OPA3: variants seen among roughly 807,000 people sequenced by gnomAD.
OPA3 encodes outer mitochondrial membrane lipid metabolism regulator OPA3, also known as optic atrophy 3 protein.
In OPA3, 6 loss-of-function variants were observed where a neutral mutation model predicts 4.0. The observed-to-expected ratio is 1.51, with a 90% CI of 0.83 to 2.99. The LOEUF (loss-of-function observed/expected upper bound fraction) is 2.99. Ranked by LOEUF, OPA3 falls within the 30% of genes most tolerant of loss-of-function variation. The probability of loss-of-function intolerance (pLI) is 0.00; values close to 1 mark genes in which losing one functional copy is unlikely to be tolerated. For missense variants in OPA3, 235 were observed against 256.2 expected (o/e 0.92, Z 0.56); for synonymous variants, 105 against 117.1 (o/e 0.90, Z 0.67).
chr19:45,535,369 CTTTT>C (rs57680613), intron 1 of OPA3, among the ~76,000 whole-genome samples: 87 of 118,834 alleles, frequency 7.3e-4, no homozygotes, highest in South Asian at 4.2e-3. Flanking sequence ...TAAATTATTA[CTTTT>C]TTTTTTTTTT....
downstream of OPA3, among the ~76,000 whole-genome samples, chr19:45,544,465 G>A (rs1440400508): frequency 6.6e-6 from 1 of 152,078 alleles, no homozygotes; most frequent in Non-Finnish European, 1.5e-5. Flanking sequence ...TTCGAGACCA[G>A]CCTGGCCAAC....
intron 1 of OPA3, among the ~76,000 whole-genome samples, chr19:45,580,544 C>T (rs1353351022): frequency 2.0e-5 from 3 of 151,476 alleles, no homozygotes; most frequent in East Asian, 2.0e-4. Context: ...CTGCCTGCCT[C>T]GGCCTCCCAA....
At chr19:45,542,017 C>T (rs776968805), downstream of OPA3, among the ~76,000 whole-genome samples, 1 of 152,180 alleles carries the variant, frequency 6.6e-6, no homozygotes, top group Non-Finnish European at 1.5e-5. Flanking sequence ...TTCATGCTCG[C>T]TGCAACCCAA....
At chr19:45,571,860 T>C (rs181385900) in intron 1 of OPA3, among the ~76,000 whole-genome samples, 39 of 152,280 alleles carry the variant, frequency 2.6e-4, no homozygotes, top group Admixed American at 5.2e-4. Flanking sequence ...AGCCCTTCTA[T>C]TGAGAGCTGA....
At chr19:45,529,341 C>T in exon 2 of OPA3, 14 of 1,614,206 alleles carry the variant, frequency 8.7e-6, no homozygotes, top group Non-Finnish European at 1.1e-5. Flanking sequence ...AGATGATGCC[C>T]TCGCCCAGCA....
At chr19:45,544,466 C>A (rs1969221597), downstream of OPA3, among the ~76,000 whole-genome samples, 1 of 152,160 alleles carries the variant, frequency 6.6e-6, no homozygotes, top group Admixed American at 6.5e-5. Context: ...TCGAGACCAG[C>A]CTGGCCAACA....
intron 1 of OPA3, among the ~76,000 whole-genome samples, chr19:45,582,607 T>C (rs2122524363): frequency 6.6e-6 from 1 of 152,262 alleles, no homozygotes; most frequent in African/African-American, 2.4e-5. Flanking sequence ...CCAGGAGTGC[T>C]GATTGGTCAG....
chr19:45,550,956 G>A lies in OPA3; in HGVS notation c.*2558C>T. The stretch of plus-strand genomic sequence containing the variant: ...GCCAAATGGCCCGCGGGGTTGGCAG[G>A]AGTCCCAGGGTACTTTTTTTCTGAG... On this transcript the variant is annotated 3_prime_UTR_variant, in exon 2 of 2. Transcript: ENST00000263275. The A allele has an allele frequency of 1.0e-6, 1 of 985,568 alleles. No individual in the cohort carries two copies. The highest frequency in any genetic ancestry group is 1.2e-6 in the Non-Finnish European group (1 of 830,028). The allele number at this position is 985,568 out of a possible 1,614,324, so 61.1% of individuals were successfully genotyped here.
At chr19:45,579,733 T>G (rs1417186522) in intron 1 of OPA3, among the ~76,000 whole-genome samples, 1 of 152,016 alleles carries the variant, frequency 6.6e-6, no homozygotes, top group Non-Finnish European at 1.5e-5. Context: ...ATACATAGTA[T>G]ATACACAAAA....
chr19:45,544,398 G>C (rs1428401994), downstream of OPA3, among the ~76,000 whole-genome samples: 3 of 152,200 alleles, frequency 2.0e-5, no homozygotes, highest in Admixed American at 1.3e-4. Context: ...GGTGGCTCAC[G>C]CCTGTAATCC....
In OPA3 at chr19:45,548,217, G is replaced by A. The variant is rs1014002317; in HGVS notation, c.*5297C>T. The A allele has an allele frequency of 5.3e-5, 52 of 985,820 alleles. No homozygotes were observed. The Middle Eastern group carries it at 1.5e-3, about 29-fold the overall frequency. The allele number at this position is 985,820 out of a possible 1,614,324, so 61.1% of individuals were successfully genotyped here. On this transcript the variant is annotated 3_prime_UTR_variant, in exon 2 of 2. Transcript: ENST00000263275. The stretch of plus-strand genomic sequence containing the variant: ...CAAGCCTGCCACTCAGCAACACAGC[G>A]ACCAGCCCAGGAGTAGCTCCGTGAG...
intron 1 of OPA3, among the ~76,000 whole-genome samples, chr19:45,568,293 C>A (rs1451060589): frequency 1.3e-5 from 2 of 152,028 alleles, no homozygotes; most frequent in African/African-American, 4.8e-5. Flanking sequence ...GGTTTCAAGC[C>A]ACCCTCCTGC....
At chr19:45,583,813 T>G (rs1969891088) in intron 1 of OPA3, among the ~76,000 whole-genome samples, 1 of 152,186 alleles carries the variant, frequency 6.6e-6, no homozygotes, top group Admixed American at 6.5e-5. Context: ...TACTATGCCC[T>G]TTAGATCTGA....
downstream of OPA3, among the ~76,000 whole-genome samples, chr19:45,542,610 C>T (rs1282590086): frequency 6.7e-6 from 1 of 150,194 alleles, no homozygotes; most frequent in Non-Finnish European, 1.5e-5. Flanking sequence ...GTTGTATATG[C>T]GGTTTGTTGT....
In OPA3 at chr19:45,551,725, G is replaced by A; in HGVS notation, c.*1789C>T. ...GTTAAGGCCAACTGCTGGCCTAATT[G>A]GTAGGATGGGGGTGGGACCGGGGGC... is the stretch of plus-strand genomic sequence containing the variant. On this transcript the variant is annotated 3_prime_UTR_variant, in exon 2 of 2. Transcript: ENST00000263275. 5 of 985,502 alleles carry A rather than the reference G, an allele frequency of 5.1e-6. No homozygotes were observed. Among genetic ancestry groups the A allele is most frequent in the Non-Finnish European group, 6.0e-6 (5 of 829,994 alleles). 61.0% of individuals were successfully genotyped at this position (985,502 alleles called of 1,614,324 possible). A position where few individuals can be genotyped will look rare whatever the true frequency, so the allele number is the denominator to read the frequency against.
intron 1 of OPA3, among the ~76,000 whole-genome samples, chr19:45,564,146 C>A (rs898257433): frequency 8.6e-6 from 1 of 115,816 alleles, no homozygotes; most frequent in Non-Finnish European, 1.6e-5. Context: ...GCCACAAGAA[C>A]AAAGAGAAGC....
chr19:45,575,310 C>T (rs777634327), intron 1 of OPA3, among the ~76,000 whole-genome samples: 7 of 151,946 alleles, frequency 4.6e-5, no homozygotes, highest in Non-Finnish European at 4.4e-5. Context: ...AGGCTAGTCG[C>T]GAACTCCTGG....
chr19:45,550,738 T>A lies in OPA3; in HGVS notation c.*2776A>T. On this transcript the variant is annotated 3_prime_UTR_variant, in exon 2 of 2. Coordinates refer to ENST00000263275, the MANE Select transcript of OPA3 (RefSeq NM_025136.4). Reference sequence around the variant, plus strand: ...ATAAGCTCTGTACCCATTGTGGAGATCCACATGGTGGTTCAGGTACAGCCT... The same window carrying A: ...ATAAGCTCTGTACCCATTGTGGAGAACCACATGGTGGTTCAGGTACAGCCT... The A allele has an allele frequency of 7.1e-6, 7 of 985,890 alleles. No homozygotes were observed. The highest frequency in any genetic ancestry group is 8.4e-6 in the Non-Finnish European group (7 of 829,988). The allele number at this position is 985,890 out of a possible 1,614,324, so 61.1% of individuals were successfully genotyped here.
chr19:45,583,663 A>G (rs1003179903), intron 1 of OPA3, among the ~76,000 whole-genome samples: 1 of 151,646 alleles, frequency 6.6e-6, no homozygotes, highest in Non-Finnish European at 1.5e-5. Context: ...CACCACACCC[A>G]GCTAATTTTT....
Sources: allele counts gnomAD v4.1 joint callset (sites outside exome capture counted in the v4.1 genomes callset), GRCh38; gene constraint gnomAD v4.1.1; transcripts MANE v1.5; gene names NCBI Gene and HGNC (gene_info 2026-07-23, HGNC 2026-07-21).